Variants in PTBP2 observed in about 807,000 individuals in gnomAD.
The protein encoded by PTBP2 is polypyrimidine tract binding protein 2, also known as polypyrimidine tract-binding protein 2.
In PTBP2, 13 loss-of-function variants were observed where a neutral mutation model predicts 61.4. The ratio of observed to expected loss-of-function variants is 0.21; its 90% confidence interval spans 0.14 to 0.34. PTBP2 has a LOEUF of 0.34. Among genes scored for constraint, PTBP2 ranks in the 10% least tolerant of loss-of-function variants. PTBP2 has a pLI of 1.00. For missense variants in PTBP2, 405 were observed against 642.6 expected, an observed-to-expected ratio of 0.63 and a Z score of 4.00; for synonymous variants, 215 against 218.5, an observed-to-expected ratio of 0.98 and a Z score of 0.14.
At chr1:96,775,812 G>T (rs190867905) in intron 5 of PTBP2, among the ~76,000 whole-genome samples, 225 of 152,088 alleles carry the variant, frequency 1.5e-3, no homozygotes, top group African/African-American at 4.4e-3. Flanking sequence ...ATAAAGAAAT[G>T]TATGAAGTAA....
chr1:96,795,890 A>G (rs1456148138), intron 8 of PTBP2, among the ~76,000 whole-genome samples: 1 of 152,160 alleles, frequency 6.6e-6, no homozygotes, highest in Non-Finnish European at 1.5e-5. Flanking sequence ...TAATGGACAT[A>G]ATGATAATAA....
At chr1:96,790,724 C>T (rs1293471071) in intron 8 of PTBP2, among the ~76,000 whole-genome samples, 1 of 152,156 alleles carries the variant, frequency 6.6e-6, no homozygotes, top group African/African-American at 2.4e-5. Flanking sequence ...ATTCTTCCCA[C>T]TGTCTGCTTT....
At chr1:96,777,074 T>G (rs912957376) in intron 5 of PTBP2, among the ~76,000 whole-genome samples, 2 of 152,050 alleles carry the variant, frequency 1.3e-5, no homozygotes, top group Admixed American at 1.3e-4. Flanking sequence ...TTCTAAAAAT[T>G]TTGGTGTCAG....
At chr1:96,761,067 T>G (rs778347557) in intron 3 of PTBP2, among the ~76,000 whole-genome samples, 4 of 152,212 alleles carry the variant, frequency 2.6e-5, no homozygotes, top group Non-Finnish European at 4.4e-5. Context: ...CATAGTGTGA[T>G]TCCATTTCTT....
rs1383489819 is a variant in PTBP2 at position 96,812,367 on chromosome 1, T to A, written c.1172-345T>A. 2.0e-5 allele frequency among the ~76,000 whole-genome samples: 3 copies of A among 152,300 alleles called. No homozygotes were observed. In the East Asian group the frequency reaches 5.8e-4, roughly 29 times the overall value. On this transcript the variant is annotated intron_variant, in intron 11 of 13. Transcript: ENST00000674951. ...AATTAGGAGGAAGGCTATCACAATATTTAGCAATTAGGATGTGTAACAGAA... is the reference window on the plus strand; with the variant it reads ...AATTAGGAGGAAGGCTATCACAATAATTAGCAATTAGGATGTGTAACAGAA...
At chr1:96,726,074 CAAAAAAAAAAAAAAAAAAAAAAAAA>C (rs762152365) in intron 2 of PTBP2, among the ~76,000 whole-genome samples, 3 of 54,190 alleles carry the variant, frequency 5.5e-5, no homozygotes, top group Admixed American at 2.8e-4. Flanking sequence ...GACTCTATCT[CAAAAAAAAAAAAAAAAAAAAAAAAA>C]AAAAAAAAAA....
At chr1:96,743,395 G>A (rs763285974) in intron 2 of PTBP2, among the ~76,000 whole-genome samples, 7 of 152,040 alleles carry the variant, frequency 4.6e-5, no homozygotes, top group Non-Finnish European at 1.0e-4. Context: ...TCAGACTCTG[G>A]TGTAATTTTT....
At chr1:96,822,995 C>G (rs562328856) in exon 14 of PTBP2, 3 of 148,876 alleles carry the variant, frequency 2.0e-5, no homozygotes, top group Admixed American at 6.7e-5. Flanking sequence ...GAGTCTTGCT[C>G]TGTTGCCCAG....
chr1:96,738,964 C>A (rs1031270536), intron 2 of PTBP2, among the ~76,000 whole-genome samples: 1 of 152,100 alleles, frequency 6.6e-6, no homozygotes, highest in Non-Finnish European at 1.5e-5. Context: ...AGTGATAAGA[C>A]AATGAATAAA....
chr1:96,771,464 T>G (rs1231891438), intron 5 of PTBP2: 1 of 151,956 alleles, frequency 6.6e-6, no homozygotes, highest in African/African-American at 2.4e-5. Context: ...TACAAACTTT[T>G]TCTTAATAAA....
chr1:96,802,237 C>G (rs2391781), intron 8 of PTBP2, among the ~76,000 whole-genome samples: 38,094 of 128,014 alleles, frequency 0.3, 6,447 homozygotes, highest in African/African-American at 0.51. Context: ...AAAAAAAGAA[C>G]CCACATTAAC....
At chr1:96,745,606 A>G (rs1389886358) in intron 2 of PTBP2, among the ~76,000 whole-genome samples, 3 of 152,118 alleles carry the variant, frequency 2.0e-5, no homozygotes, top group African/African-American at 4.8e-5. Flanking sequence ...CGGTATGCCT[A>G]TATAATGTTT....
chr1:96,807,018 G>C, intron 11 of PTBP2, 60 bp downstream of exon 11: 1 of 1,258,668 alleles, frequency 7.9e-7, no homozygotes, highest in Non-Finnish European at 1.1e-6. Context: ...TGCATAATGT[G>C]AATGTGCGAA....
At chr1:96,798,076 TAA>T (rs563043412) in intron 8 of PTBP2, among the ~76,000 whole-genome samples, 37 of 110,164 alleles carry the variant, frequency 3.4e-4, no homozygotes, top group Admixed American at 5.6e-4. Context: ...ACTCTGTCTC[TAA>T]AAAAAAAAAA....
At chr1:96,817,157 G>T (rs941416971), downstream of PTBP2, 1 of 152,054 alleles carries the variant, frequency 6.6e-6, no homozygotes, top group Admixed American at 6.6e-5. Context: ...GTATAAAAAA[G>T]TTGCTGTGAA....
At chr1:96,748,309 G>A (rs915591617) in intron 2 of PTBP2, among the ~76,000 whole-genome samples, 5 of 152,116 alleles carry the variant, frequency 3.3e-5, no homozygotes, top group African/African-American at 9.6e-5. Flanking sequence ...AGTGATACAT[G>A]GTATTAATAG....
chr1:96,808,025 G>A (rs570821142), intron 11 of PTBP2, among the ~76,000 whole-genome samples: 5 of 152,070 alleles, frequency 3.3e-5, no homozygotes, highest in South Asian at 2.1e-4. Context: ...CATAATAGGA[G>A]TATTCTCAAA....
chr1:96,782,261 T>A (rs1232249414), intron 7 of PTBP2, among the ~76,000 whole-genome samples: 1 of 152,026 alleles, frequency 6.6e-6, no homozygotes, highest in South Asian at 2.1e-4. Flanking sequence ...AGTGGGTTGT[T>A]TCTTATTCTT....
At chr1:96,793,362 AT>A (rs1660048495) in intron 8 of PTBP2, among the ~76,000 whole-genome samples, 1 of 151,962 alleles carries the variant, frequency 6.6e-6, no homozygotes. Flanking sequence ...TAAATTGTTT[AT>A]TTTTTATTTT....
Sources: gnomAD v4.1 joint callset for allele counts (sites outside exome capture counted in the v4.1 genomes callset) on GRCh38, gnomAD v4.1.1 for gene constraint, MANE v1.5 for transcripts, NCBI Gene and HGNC (gene_info 2026-07-23, HGNC 2026-07-21) for gene names.